GPR176: variants seen among roughly 807,000 people sequenced by gnomAD.
GPR176 encodes G protein-coupled receptor 176, also known as G-protein coupled receptor 176.
In GPR176, 26 loss-of-function variants were observed where a neutral mutation model predicts 35.4. That is an observed-to-expected ratio of 0.74 (90% CI 0.54 to 1.02). The LOEUF is 1.02. Among genes scored for constraint, GPR176 ranks in the 50% least tolerant of loss-of-function variants. The probability of loss-of-function intolerance (pLI) is 0.00; values close to 1 mark genes in which losing one functional copy is unlikely to be tolerated. For synonymous variants in GPR176, 278 were observed against 271.3 expected, an observed-to-expected ratio of 1.02 and a Z score of -0.24; for missense variants, 597 against 665.3, an observed-to-expected ratio of 0.90 and a Z score of 1.13.
intron 1 of GPR176, among the ~76,000 whole-genome samples, chr15:39,893,641 G>A (rs1425324412): frequency 6.6e-6 from 1 of 152,104 alleles, no homozygotes; most frequent in African/African-American, 2.4e-5. Context: ...ACGGGGTGGT[G>A]GCCGGGCAGA....
intron 1 of GPR176, among the ~76,000 whole-genome samples, chr15:39,895,950 T>C (rs2033099332): frequency 1.3e-5 from 2 of 152,196 alleles, no homozygotes; most frequent in South Asian, 4.1e-4. Flanking sequence ...ATATTTAAAA[T>C]ATTCAAGCAA....
chr15:39,874,126 G>A (rs761281695), intron 1 of GPR176, among the ~76,000 whole-genome samples: 1 of 152,198 alleles, frequency 6.6e-6, no homozygotes, highest in Non-Finnish European at 1.5e-5. Context: ...CCACCAAACA[G>A]GTGGGTGACA....
At chr15:39,883,729 G>C (rs2032568142) in intron 1 of GPR176, among the ~76,000 whole-genome samples, 1 of 151,888 alleles carries the variant, frequency 6.6e-6, no homozygotes, top group Non-Finnish European at 1.5e-5. Flanking sequence ...CTTCTTCATA[G>C]GTCTAAAGGT....
intron 1 of GPR176, among the ~76,000 whole-genome samples, chr15:39,917,589 G>A (rs1462625299): frequency 6.6e-6 from 1 of 151,800 alleles, no homozygotes; most frequent in Non-Finnish European, 1.5e-5. Flanking sequence ...GCCCACCTCG[G>A]CCTCCCAAAG....
chr15:39,844,228 G>A (rs535155543), intron 1 of GPR176, among the ~76,000 whole-genome samples: 18 of 152,158 alleles, frequency 1.2e-4, no homozygotes, highest in Admixed American at 1.1e-3. Context: ...TACATGGGGT[G>A]CTTGTAAAAA....
rs552069610 is a variant in GPR176 at position 39,800,273 on chromosome 15, G to GA, written c.*858dup. 1,494 of 151,376 alleles carry GA rather than the reference G, an allele frequency of 9.9e-3. 13 individuals carry two copies. Among genetic ancestry groups the GA allele is most frequent in the African/African-American group, 0.018 (745 of 41,226 alleles). The allele number at this position is 151,376 out of a possible 1,614,324, so 9.4% of individuals were successfully genotyped here. ...ACCTTTCATGTGAGATCATAGGGAA[G>GA]AAAAAAAAACTACAGCGCCATAGGC... On this transcript the variant is annotated 3_prime_UTR_variant, in exon 3 of 3. Transcript: ENST00000561100.
At chr15:39,805,777 A>G (rs1205983893) in intron 2 of GPR176, among the ~76,000 whole-genome samples, 1 of 152,216 alleles carries the variant, frequency 6.6e-6, no homozygotes, top group East Asian at 1.9e-4. Flanking sequence ...AGAGGCAAAT[A>G]TTGGTGCAGC....
At chr15:39,841,894 T>C (rs527894496) in intron 1 of GPR176, among the ~76,000 whole-genome samples, 1 of 152,254 alleles carries the variant, frequency 6.6e-6, no homozygotes, top group Admixed American at 6.5e-5. Context: ...ATATAGTCAG[T>C]AGTTATAATC....
chr15:39,913,537 C>A (rs1369372929), intron 1 of GPR176, among the ~76,000 whole-genome samples: 20 of 149,826 alleles, frequency 1.3e-4, no homozygotes. Flanking sequence ...AGAATAAGAC[C>A]CTGTCTCAAA....
At chr15:39,895,443 G>A (rs773928118) in intron 1 of GPR176, among the ~76,000 whole-genome samples, 3 of 152,126 alleles carry the variant, frequency 2.0e-5, no homozygotes, top group Non-Finnish European at 4.4e-5. Flanking sequence ...ATGAACAGTT[G>A]GGCCAAGCTT....
intron 1 of GPR176, among the ~76,000 whole-genome samples, chr15:39,911,989 G>A: frequency 6.6e-6 from 1 of 152,108 alleles, no homozygotes; most frequent in East Asian, 1.9e-4. Context: ...CATTTAACAT[G>A]ATTTATTTAG....
intron 1 of GPR176, among the ~76,000 whole-genome samples, chr15:39,912,136 A>C (rs1033954607): frequency 6.6e-6 from 1 of 152,242 alleles, no homozygotes; most frequent in African/African-American, 2.4e-5. Flanking sequence ...ATAAAAACTG[A>C]AAATGAGAGT....
intron 1 of GPR176, among the ~76,000 whole-genome samples, chr15:39,828,883 T>A (rs905551583): frequency 6.6e-6 from 1 of 152,224 alleles, no homozygotes; most frequent in Non-Finnish European, 1.5e-5. Context: ...TGGAACGGTA[T>A]GTCCATGCTG....
rs751280987 is a variant in GPR176 at position 39,802,065 on chromosome 15, G to A, written c.615C>T (p.Tyr205=). The A allele has an allele frequency of 2.4e-5, 38 of 1,613,946 alleles. 2 individuals are homozygous for A. The highest frequency in any genetic ancestry group is 1.3e-4 in the Admixed American group (8 of 59,998). The change falls in exon 3 of 3, where the codon TAC becomes TAT. Residue 205 remains tyrosine (Y), a synonymous_variant. Transcript: ENST00000561100. ...CCGTGGTGATGTTATACACCAGAACGTACACCAGGTGGCCCAAGGAGTTGC... is the reference window on the plus strand; with the variant it reads ...CCGTGGTGATGTTATACACCAGAACATACACCAGGTGGCCCAAGGAGTTGC... ...VWSNSLGHLV[Y]VLVYNITTVI...
At chr15:39,802,770 T>C (rs1035551980) in intron 2 of GPR176, among the ~76,000 whole-genome samples, 1 of 152,216 alleles carries the variant, frequency 6.6e-6, no homozygotes, top group Non-Finnish European at 1.5e-5. Context: ...CCAGATATCA[T>C]TAACAATTAA....
At chr15:39,914,077 C>T (rs2033659408) in intron 1 of GPR176, among the ~76,000 whole-genome samples, 1 of 151,966 alleles carries the variant, frequency 6.6e-6, no homozygotes, top group Admixed American at 6.6e-5. Context: ...ACAAAAAACA[C>T]CACTGAGTTG....
At chr15:39,862,815 A>G (rs2031660442) in intron 1 of GPR176, among the ~76,000 whole-genome samples, 1 of 152,250 alleles carries the variant, frequency 6.6e-6, no homozygotes, top group South Asian at 2.1e-4. Context: ...TATTTACCAC[A>G]TTATACTTTT....
At chr15:39,826,594 C>A (rs1209653204) in intron 1 of GPR176, among the ~76,000 whole-genome samples, 1 of 152,238 alleles carries the variant, frequency 6.6e-6, no homozygotes, top group African/African-American at 2.4e-5. Flanking sequence ...ACTGTGAACA[C>A]ACATTAGCTA....
intron 1 of GPR176, among the ~76,000 whole-genome samples, chr15:39,878,492 G>GTA (rs1225061083): frequency 6.6e-6 from 1 of 151,984 alleles, no homozygotes; most frequent in East Asian, 1.9e-4. Flanking sequence ...GTGTGTGTGT[G>GTA]TGTGTGTATC....
Sources: allele counts gnomAD v4.1 joint callset (sites outside exome capture counted in the v4.1 genomes callset), GRCh38; gene constraint gnomAD v4.1.1; transcripts MANE v1.5; gene names NCBI Gene and HGNC (gene_info 2026-07-23, HGNC 2026-07-21).